The following AZI2 variants were observed in gnomAD, a reference collection of about 807,000 sequenced individuals.
The protein encoded by AZI2 is 5-azacytidine induced 2, also known as 5-azacytidine-induced protein 2.
AZI2 carries 22 observed loss-of-function variants against 45.8 expected under a neutral mutation model. That is an observed-to-expected ratio of 0.48 (90% CI 0.34 to 0.69). AZI2 has a LOEUF of 0.69. AZI2 is among the 30% of genes least tolerant of loss of function. AZI2 has a pLI of 0.01. For missense variants in AZI2, 417 were observed against 441.5 expected (o/e 0.94, Z 0.50); for synonymous variants, 137 against 156.7 (o/e 0.87, Z 0.94).
In AZI2 at chr3:28,326,912, T is replaced by G. The variant is rs1243218893; in HGVS notation, c.686A>C (p.Glu229Ala). 2 of 1,608,054 alleles carry G rather than the reference T, an allele frequency of 1.2e-6. No individual in the cohort carries two copies. Among genetic ancestry groups the G allele is most frequent in the African/African-American group, 2.7e-5 (2 of 74,480 alleles). Residue 229 changes from glutamate to alanine, a missense_variant, in exon 7 of 8, where the codon GAA becomes GCA. By Grantham distance (107) the Glu-to-Ala change is moderately radical (BLOSUM62 -1). Coordinates refer to ENST00000479665, the MANE Select transcript of AZI2 (RefSeq NM_022461.5). ...AGTCACCAGATGTAAATTAGACATTTCTCTCTTCAGTTCCCAGTATGCATG... is the reference window on the plus strand; with the variant it reads ...AGTCACCAGATGTAAATTAGACATTGCTCTCTTCAGTTCCCAGTATGCATG... ...MQHAYWELKR[E>A]MSNLHLVTQV...
chr3:28,325,593 G>T (rs535689464), intron 7 of AZI2, among the ~76,000 whole-genome samples: 1 of 150,984 alleles, frequency 6.6e-6, no homozygotes. Context: ...CCAAAGCACC[G>T]AAAAATATTA....
At chr3:28,333,463 G>T (rs1167074029) in intron 5 of AZI2, among the ~76,000 whole-genome samples, 1 of 151,388 alleles carries the variant, frequency 6.6e-6, no homozygotes, top group African/African-American at 2.4e-5. Context: ...AGGAAATAAT[G>T]GAATCTGATC....
chr3:28,328,292 T>C (rs372355848), intron 6 of AZI2, among the ~76,000 whole-genome samples: 1 of 151,110 alleles, frequency 6.6e-6, no homozygotes, highest in African/African-American at 2.4e-5. Flanking sequence ...CTGTCTTAAG[T>C]GTGAAGAGAG....
chr3:28,322,191 T>G lies in AZI2; in HGVS notation c.*1851A>C, dbSNP rs1363892967. 6.6e-6 allele frequency: 1 copy of G among 151,260 alleles called. No individual in the cohort carries two copies. Among genetic ancestry groups the G allele is most frequent in the Non-Finnish European group, 1.5e-5 (1 of 67,428 alleles). The allele number at this position is 151,260 out of a possible 1,614,324, so 9.4% of individuals were successfully genotyped here. On this transcript the variant is annotated 3_prime_UTR_variant, in exon 8 of 8. Transcript: ENST00000479665. ...ACTGTCACAGTCACTGACTTTTTAG[T>G]ATACCTGTTTGATAGCTATCATCAC...
chr3:28,323,831 T>C lies in AZI2; in HGVS notation c.*211A>G, dbSNP rs1577116524. 2.2e-6 allele frequency: 1 copy of C among 444,814 alleles called. No homozygotes were observed. Among genetic ancestry groups the C allele is most frequent in the East Asian group, 3.3e-5 (1 of 30,666 alleles). The allele number at this position is 444,814 out of a possible 1,614,324, so 27.6% of individuals were successfully genotyped here. The stretch of plus-strand genomic sequence containing the variant: ...AATTAGTATAGTAGCATATTTCAGA[T>C]TCTTAGAATATGGAGCTAGAGGGTG... On this transcript the variant is annotated 3_prime_UTR_variant, in exon 8 of 8. Transcript: ENST00000479665.
chr3:28,326,697 G>T, intron 7 of AZI2, 135 bp downstream of exon 7: 1 of 765,252 alleles, frequency 1.3e-6, no homozygotes, highest in Non-Finnish European at 2.4e-6. Flanking sequence ...GCAGAGAATG[G>T]GTAGGCTGCG....
intron 4 of AZI2, among the ~76,000 whole-genome samples, 157 bp downstream of exon 4, chr3:28,337,780 T>C (rs1459100577): frequency 2.0e-5 from 3 of 152,146 alleles, no homozygotes; most frequent in African/African-American, 7.2e-5. Context: ...AGGAAGTTGA[T>C]ATTATGTGAA....
At chr3:28,330,349 G>A (rs1259869681) in intron 6 of AZI2, among the ~76,000 whole-genome samples, 2 of 151,184 alleles carry the variant, frequency 1.3e-5, no homozygotes, top group Non-Finnish European at 3.0e-5. Flanking sequence ...CAAAAAAGGA[G>A]AGTTCCAAAA....
At chr3:28,348,566 C>T (rs1194186216) in intron 1 of AZI2, 35 bp downstream of exon 1, 2 of 152,682 alleles carry the variant, frequency 1.3e-5, no homozygotes, top group Admixed American at 6.5e-5. Context: ...TTGCCCGCAT[C>T]CCTATCCTCC....
At chr3:28,327,751 G>T (rs114251530) in intron 6 of AZI2, among the ~76,000 whole-genome samples, 2,218 of 149,778 alleles carry the variant, frequency 0.015, 54 homozygotes, top group African/African-American at 0.05. Context: ...TTTTTTTGCT[G>T]CTTAATTGCC....
Position 28,336,769 on chromosome 3 carries a change from G to C in AZI2, c.556C>G (p.Leu186Val). 6.2e-7 allele frequency: 1 copy of C among 1,613,082 alleles called. No homozygotes were observed. ...TTGGCTTTCTGTAGTTCTATTTTGA[G>C]ATCGCTACATTCTTTCCTCATCAGT... is the stretch of plus-strand genomic sequence containing the variant. ...LELMRKECSD[L>V]KIELQKAKQT... Residue 186 changes from leucine (L) to valine (V), a missense_variant, in exon 5 of 8, where the codon CTC becomes GTC. By Grantham distance (32) the Leu-to-Val change is conservative. Transcript: ENST00000479665.
chr3:28,327,288 A>C (rs892520344), intron 6 of AZI2, among the ~76,000 whole-genome samples: 34 of 151,166 alleles, frequency 2.2e-4, no homozygotes, highest in Non-Finnish European at 8.9e-5. Context: ...AGTAAGAAAT[A>C]CATTCTTTAT....
intron 5 of AZI2, among the ~76,000 whole-genome samples, chr3:28,334,890 G>A (rs1044372222): frequency 4.6e-5 from 7 of 151,964 alleles, no homozygotes; most frequent in South Asian, 4.2e-4. Context: ...ATAACTGGCT[G>A]TGATTAATAT....
intron 4 of AZI2, 68 bp from the exon 5 acceptor site, chr3:28,336,953 G>A (rs1703817493): frequency 1.4e-6 from 2 of 1,477,778 alleles, no homozygotes; most frequent in African/African-American, 1.4e-5. Context: ...CTTAAAAATA[G>A]GTTATTCTGG....
At chr3:28,340,740 T>A in intron 1 of AZI2, 118 bp from the exon 2 acceptor site, 1 of 779,756 alleles carries the variant, frequency 1.3e-6, no homozygotes, top group Non-Finnish European at 2.0e-6. Flanking sequence ...CCAGACTGCC[T>A]GGGTTGTATT....
At position 28,340,566 on chromosome 3, in the gene AZI2, G is replaced by A; in HGVS notation, c.52C>T (p.His18Tyr). ...DICILNHEKAHKRDTVTPVSI... is the reference protein window; with the variant it reads ...DICILNHEKAYKRDTVTPVSI... The stretch of plus-strand genomic sequence containing the variant: ...ACTGGAGTCACTGTATCTCTCTTAT[G>A]GGCTTTTTCATGATTCAGAATACAG... The change falls in exon 2 of 8, where the codon CAT becomes TAT. Residue 18 changes from histidine to tyrosine, a missense_variant. Coordinates refer to ENST00000479665, the MANE Select transcript of AZI2 (RefSeq NM_022461.5). 1 of 1,612,936 alleles carries A rather than the reference G, an allele frequency of 6.2e-7. No individual in the cohort carries two copies. The highest frequency in any genetic ancestry group is 1.1e-5 in the South Asian group (1 of 90,932).
intron 3 of AZI2, 101 bp from the exon 4 acceptor site, chr3:28,338,137 T>C: frequency 1.7e-6 from 1 of 597,108 alleles, no homozygotes; most frequent in East Asian, 3.3e-5. Flanking sequence ...TTCTTGTCTT[T>C]AAAAGCAAGG....
In AZI2 at chr3:28,326,839, G is replaced by A. The variant is rs778549473; in HGVS notation, c.759C>T (p.Ile253=). 39 of 1,604,928 alleles carry A rather than the reference G, an allele frequency of 2.4e-5. No homozygotes were observed. Among genetic ancestry groups the A allele is most frequent in the Non-Finnish European group, 3.0e-5 (35 of 1,172,794 alleles). ...LLRKLKTSTA[I]KKACAPVGCS... ...CGGTAAACAGTGACTTGCCTTTCTT[G>A]ATTGCAGTTGAGGTTTTCAGTTTTC... The change falls in exon 7 of 8, where the codon ATC becomes ATT. Residue 253 remains isoleucine (I), a synonymous_variant. Transcript: ENST00000479665.
intron 6 of AZI2, among the ~76,000 whole-genome samples, chr3:28,329,170 A>G (rs1242475582): frequency 6.6e-6 from 1 of 151,254 alleles, no homozygotes; most frequent in Non-Finnish European, 1.5e-5. Context: ...AAGCACAAAT[A>G]ATGATGGCTG....
Sources: allele counts gnomAD v4.1 joint callset (sites outside exome capture counted in the v4.1 genomes callset), GRCh38; gene constraint gnomAD v4.1.1; transcripts MANE v1.5; gene names NCBI Gene and HGNC (gene_info 2026-07-23, HGNC 2026-07-21).